Variants in AKAP13 observed in about 807,000 individuals in gnomAD.
The protein encoded by AKAP13 is A-kinase anchoring protein 13.
In AKAP13, 80 loss-of-function variants were observed where a neutral mutation model predicts 264.5. The observed-to-expected ratio is 0.30, with a 90% confidence interval of 0.25 to 0.36. The LOEUF is 0.36. AKAP13 is among the 10% of genes least tolerant of loss of function. The probability of loss-of-function intolerance (pLI) is 1.00; values close to 1 mark genes in which losing one functional copy is unlikely to be tolerated. For synonymous variants in AKAP13, 1,380 were observed against 1,250.2 expected (o/e 1.10, Z -2.19); for missense variants, 3,712 against 3,435.2 (o/e 1.08, Z -2.01).
chr15:85,506,810 T>C (rs2076238263), intron 2 of AKAP13, among the ~76,000 whole-genome samples: 1 of 152,224 alleles, frequency 6.6e-6, no homozygotes, highest in Admixed American at 6.5e-5. Flanking sequence ...AATCGTTTCA[T>C]GGGCCCCCTT....
intron 1 of AKAP13, among the ~76,000 whole-genome samples, chr15:85,386,112 A>G (rs912186564): frequency 1.3e-5 from 2 of 152,194 alleles, no homozygotes; most frequent in Non-Finnish European, 2.9e-5. Context: ...GGCGCGAGCC[A>G]CTGTGTCTGG....
chr15:85,726,584 T>C, intron 27 of AKAP13, 98 bp downstream of exon 27: 1 of 1,047,040 alleles, frequency 9.6e-7, no homozygotes, highest in Non-Finnish European at 1.4e-6. Context: ...CCTCTTAAAA[T>C]TAAATGGCTC....
chr15:85,608,226 G>T (rs550624158), intron 8 of AKAP13, among the ~76,000 whole-genome samples: 1 of 152,140 alleles, frequency 6.6e-6, no homozygotes, highest in Non-Finnish European at 1.5e-5. Context: ...TCCTTGGGTT[G>T]TGGTTATTTT....
chr15:85,469,094 T>C lies in AKAP13; in HGVS notation c.-11-16616T>C, dbSNP rs1167043033. 1.5e-5 allele frequency among the ~76,000 whole-genome samples: 2 copies of C among 137,644 alleles called. 1 individual carries two copies. Among genetic ancestry groups the C allele is most frequent in the Non-Finnish European group, 3.0e-5 (2 of 65,662 alleles). The allele number at this position is 137,644 out of a possible 152,430, so 90.3% of individuals were successfully genotyped here. On this transcript the variant is annotated intron_variant, in intron 1 of 36. Coordinates refer to ENST00000394518, the MANE Select transcript of AKAP13 (RefSeq NM_007200.5). ...CACGCCCAGCTAATTTTTGTATTAT[T>C]AGTAGAGATGGAATTTCACCATGTC...
At chr15:85,487,720 C>T (rs914598997) in intron 2 of AKAP13, among the ~76,000 whole-genome samples, 1 of 150,432 alleles carries the variant, frequency 6.6e-6, no homozygotes, top group Non-Finnish European at 1.5e-5. Context: ...TGTGCGCCAC[C>T]ATGCCTGGCT....
Position 85,580,734 on chromosome 15 carries a change from A to G in AKAP13, c.2666A>G (p.Asn889Ser), listed in dbSNP as rs1372561957. Residue 889 changes from asparagine (N) to serine (S), a missense_variant, in exon 7 of 37, where the codon AAC (asparagine) becomes AGC (serine). By Grantham distance (46) the Asn-to-Ser change is conservative. Around this residue, in one of 3 missense-constraint regions of AKAP13, gnomAD observed 2,759 missense variants for 2,411.7 expected, o/e 1.14. Coordinates refer to ENST00000394518, the MANE Select transcript of AKAP13 (RefSeq NM_007200.5). ...AIPEALNIKG[N>S]TDSSLQSVGK... ...CCAGAAGCTCTGAATATCAAGGGGA[A>G]CACTGACTCTTCCCTGCAAAGTGTG... is the stretch of plus-strand genomic sequence containing the variant. 3.1e-6 allele frequency: 5 copies of G among 1,614,092 alleles called. No homozygotes were observed. Among genetic ancestry groups the G allele is most frequent in the Non-Finnish European group, 3.4e-6 (4 of 1,180,046 alleles).
At chr15:85,523,378 C>G (rs949302917) in intron 3 of AKAP13, among the ~76,000 whole-genome samples, 1 of 152,090 alleles carries the variant, frequency 6.6e-6, no homozygotes, top group African/African-American at 2.4e-5. Flanking sequence ...TAGCCTGGAC[C>G]TAAACTTCTT....
chr15:85,399,075 T>G (rs2071260960), intron 1 of AKAP13, among the ~76,000 whole-genome samples: 1 of 152,220 alleles, frequency 6.6e-6, no homozygotes, highest in Admixed American at 6.5e-5. Context: ...TGGTGTACAT[T>G]TCAGCAGCTG....
chr15:85,743,407 A>C (rs1286562862), intron 35 of AKAP13, 85 bp from the exon 36 acceptor site: 1 of 1,432,426 alleles, frequency 7.0e-7, no homozygotes, highest in East Asian at 2.3e-5. Flanking sequence ...CAGCACACCC[A>C]GTTGAATTCA....
chr15:85,556,393 T>C (rs1050614808), intron 5 of AKAP13, among the ~76,000 whole-genome samples: 1 of 152,192 alleles, frequency 6.6e-6, no homozygotes, highest in Non-Finnish European at 1.5e-5. Flanking sequence ...CATTGAGTGA[T>C]AGGAATTTTC....
At position 85,579,037 on chromosome 15, in the gene AKAP13, G is replaced by GCCCACGGAC. The variant is rs2079107315; in HGVS notation, c.972_980dup (p.Thr325_Pro327dup). On this transcript the variant is annotated inframe_insertion, in exon 7 of 37. Coordinates refer to ENST00000394518, the MANE Select transcript of AKAP13 (RefSeq NM_007200.5). ...GCCAGTTTCTTCCCTGTGCACCGGA[G>GCCCACGGAC]CCCACGGACCCTCAGCGACTTTCTT... The GCCCACGGAC allele has an allele frequency of 6.2e-7, 1 of 1,614,046 alleles. No homozygotes were observed. The highest frequency in any genetic ancestry group is 1.3e-5 in the African/African-American group (1 of 74,910).
intron 8 of AKAP13, among the ~76,000 whole-genome samples, chr15:85,595,962 G>A (rs2079806958): frequency 6.6e-6 from 1 of 152,318 alleles, no homozygotes; most frequent in Admixed American, 6.5e-5. Context: ...TTCAGCCATT[G>A]AAAGTGTGTG....
intron 1 of AKAP13, among the ~76,000 whole-genome samples, chr15:85,425,824 G>C (rs1723348258): frequency 6.6e-6 from 1 of 151,876 alleles, no homozygotes; most frequent in South Asian, 2.1e-4. Flanking sequence ...GTTAATTGTG[G>C]GGTAGATAAA....
At chr15:85,525,766 T>A (rs1206734492) in intron 3 of AKAP13, among the ~76,000 whole-genome samples, 1 of 152,218 alleles carries the variant, frequency 6.6e-6, no homozygotes, top group South Asian at 2.1e-4. Context: ...TGGCAAATAG[T>A]GTACAAAATC....
chr15:85,718,237 G>GA lies in AKAP13; in HGVS notation c.6001+83dup, dbSNP rs1226999225. 44 of 1,545,102 alleles carry GA rather than the reference G, an allele frequency of 2.8e-5. No homozygotes were observed. The highest frequency in any genetic ancestry group is 3.8e-5 in the Non-Finnish European group (43 of 1,139,016). ...TTTAAGCAGTAATTTGTTGGACTATGAAAAATCAGTTTTTTAGTATGTGGC... is the reference window on the plus strand; with the variant it reads ...TTTAAGCAGTAATTTGTTGGACTATGAAAAAATCAGTTTTTTAGTATGTGGC... On this transcript the variant is annotated intron_variant, in intron 22 of 36. Coordinates refer to ENST00000394518, the MANE Select transcript of AKAP13 (RefSeq NM_007200.5). The surrounding 1 kb of genome is among the most constrained non-coding windows in gnomAD (Gnocchi z 4.9).
At chr15:85,566,920 G>T (rs1220695006) in intron 5 of AKAP13, among the ~76,000 whole-genome samples, 2 of 151,934 alleles carry the variant, frequency 1.3e-5, no homozygotes, top group East Asian at 3.9e-4. Flanking sequence ...GAGCCACTGT[G>T]CCTGACCGGA....
rs138768257 is a variant in AKAP13 at position 85,628,491 on chromosome 15, G to A, written c.4162-10883G>A. Among the ~76,000 whole-genome samples, 569 of 152,268 alleles carry A rather than the reference G, an allele frequency of 3.7e-3. 1 individual carries two copies. The highest frequency in any genetic ancestry group is 0.011 in the African/African-American group (437 of 41,554). Reference sequence around the variant, plus strand: ...ATGGGTTTTACTTTTAAATGTTTACGAATGAAGCCTAATTCAGAAGAGAGA... The same window carrying A: ...ATGGGTTTTACTTTTAAATGTTTACAAATGAAGCCTAATTCAGAAGAGAGA... On this transcript the variant is annotated intron_variant, in intron 8 of 36. Transcript: ENST00000394518.
intron 8 of AKAP13, among the ~76,000 whole-genome samples, chr15:85,596,539 A>G (rs1385178048): frequency 6.6e-6 from 1 of 152,030 alleles, no homozygotes; most frequent in Non-Finnish European, 1.5e-5. Flanking sequence ...ACCCATGATT[A>G]TGCCACTGCA....
chr15:85,743,841 C>T lies in AKAP13; in HGVS notation c.8392+16C>T, dbSNP rs769664052. On this transcript the variant is annotated intron_variant, in intron 36 of 36. Transcript: ENST00000394518. ...CAGCCCGGTGGTGAGTCACGCACACCTGCTCTCCCTGTGGCCATAGTGTCT... is the reference window on the plus strand; with the variant it reads ...CAGCCCGGTGGTGAGTCACGCACACTTGCTCTCCCTGTGGCCATAGTGTCT... 7 of 1,594,112 alleles carry T rather than the reference C, an allele frequency of 4.4e-6. No individual in the cohort carries two copies. Among genetic ancestry groups the T allele is most frequent in the African/African-American group, 4.1e-5 (3 of 73,848 alleles).
Sources: gnomAD v4.1 joint callset for allele counts (sites outside exome capture counted in the v4.1 genomes callset) on GRCh38, gnomAD v4.1.1 for gene constraint, gnomAD v4.1.1 regional missense constraint, Gnocchi (gnomAD v3.1) non-coding constraint, MANE v1.5 for transcripts, NCBI Gene and HGNC (gene_info 2026-07-23, HGNC 2026-07-21) for gene names.